CSGALNACT1: variants seen among roughly 807,000 people sequenced by gnomAD.
The protein encoded by CSGALNACT1 is chondroitin sulfate N-acetylgalactosaminyltransferase 1, also known as beta4GalNAcT-1.
In CSGALNACT1, 52 loss-of-function variants were observed where a neutral mutation model predicts 51.0. The ratio of observed to expected loss-of-function variants is 1.02; its 90% confidence interval spans 0.82 to 1.29. The LOEUF (loss-of-function observed/expected upper bound fraction) is 1.29. CSGALNACT1 is among the 50% of genes most tolerant of loss of function. The probability of loss-of-function intolerance (pLI) is 0.00; values close to 1 mark genes in which losing one functional copy is unlikely to be tolerated. For synonymous variants in CSGALNACT1, 341 were observed against 254.4 expected (o/e 1.34, Z -3.24); for missense variants, 935 against 679.2 (o/e 1.38, Z -4.19).
intron 1 of CSGALNACT1, among the ~76,000 whole-genome samples, chr8:19,639,540 T>TC (rs2056499827): frequency 6.6e-6 from 1 of 152,176 alleles, no homozygotes; most frequent in Admixed American, 6.5e-5. Flanking sequence ...TCACTCTTGG[T>TC]CAGGGCACAT....
At chr8:19,634,174 T>C (rs958921614) in intron 1 of CSGALNACT1, among the ~76,000 whole-genome samples, 6 of 152,236 alleles carry the variant, frequency 3.9e-5, no homozygotes, top group African/African-American at 1.4e-4. Context: ...TGAAAACATA[T>C]TACTTTCATA....
chr8:19,601,959 G>A (rs868715963), intron 1 of CSGALNACT1, 94 bp from the exon 2 acceptor site: 1 of 441,382 alleles, frequency 2.3e-6, no homozygotes, highest in Non-Finnish European at 4.5e-6. Context: ...AAATCACTTA[G>A]TATATAAAAT....
intron 5 of CSGALNACT1, among the ~76,000 whole-genome samples, chr8:19,452,204 C>T (rs796916376): frequency 2.6e-5 from 4 of 152,172 alleles, no homozygotes; most frequent in African/African-American, 9.7e-5. Context: ...AAGGGAAGCT[C>T]GTTGGCGAGA....
chr8:19,756,461 G>A (rs944296768), intron 1 of CSGALNACT1, among the ~76,000 whole-genome samples: 1 of 152,266 alleles, frequency 6.6e-6, no homozygotes, highest in East Asian at 1.9e-4. Context: ...TTTGCTCATC[G>A]ATGAAAAGAT....
At chr8:19,687,304 T>G (rs2061031575), upstream of CSGALNACT1, among the ~76,000 whole-genome samples, 1 of 152,078 alleles carries the variant, frequency 6.6e-6, no homozygotes, top group Admixed American at 6.5e-5. Flanking sequence ...ACACACACAC[T>G]TCCTCTACTA....
At chr8:19,663,055 C>T (rs1207356441) in intron 1 of CSGALNACT1, among the ~76,000 whole-genome samples, 2 of 152,204 alleles carry the variant, frequency 1.3e-5, no homozygotes, top group Non-Finnish European at 2.9e-5. Context: ...ATGCAGGATG[C>T]TCTCTATCAA....
chr8:19,651,909 C>T (rs2057835684), intron 1 of CSGALNACT1, among the ~76,000 whole-genome samples: 1 of 121,058 alleles, frequency 8.3e-6, no homozygotes, highest in African/African-American at 3.1e-5. Flanking sequence ...TACAACCTCG[C>T]TGTCTGTTTT....
At chr8:19,488,666 G>C (rs1341392640) in intron 4 of CSGALNACT1, among the ~76,000 whole-genome samples, 1 of 151,950 alleles carries the variant, frequency 6.6e-6, no homozygotes, top group Non-Finnish European at 1.5e-5. Flanking sequence ...AATAACAAAA[G>C]CAGTAATAAT....
intron 1 of CSGALNACT1, among the ~76,000 whole-genome samples, chr8:19,754,697 C>A (rs143666003): frequency 6.6e-6 from 1 of 152,280 alleles, no homozygotes; most frequent in African/African-American, 2.4e-5. Context: ...CACAAGGTTG[C>A]CCTTTTCTAA....
intron 1 of CSGALNACT1, among the ~76,000 whole-genome samples, chr8:19,710,547 A>G (rs763106727): frequency 2.0e-5 from 3 of 152,234 alleles, no homozygotes; most frequent in Admixed American, 6.5e-5. Flanking sequence ...TTAAAAACAA[A>G]TCTGAAGCAA....
At chr8:19,651,137 G>A (rs1181502029) in intron 1 of CSGALNACT1, among the ~76,000 whole-genome samples, 1 of 152,188 alleles carries the variant, frequency 6.6e-6, no homozygotes, top group African/African-American at 2.4e-5. Flanking sequence ...TTTTGCCATT[G>A]TAGTACAGAA....
At chr8:19,488,593 C>T (rs1001852894) in intron 4 of CSGALNACT1, among the ~76,000 whole-genome samples, 1 of 151,584 alleles carries the variant, frequency 6.6e-6, no homozygotes, top group Admixed American at 6.6e-5. Context: ...TATGAAGAGC[C>T]AGGGAAGGAG....
intron 1 of CSGALNACT1, among the ~76,000 whole-genome samples, chr8:19,742,714 G>A (rs540678014): frequency 5.9e-5 from 9 of 152,332 alleles, no homozygotes; most frequent in Middle Eastern, 3.4e-3. Context: ...TCAGCAGGCC[G>A]TAGGCAACTA....
intron 2 of CSGALNACT1, among the ~76,000 whole-genome samples, chr8:19,593,523 T>C (rs2048272918): frequency 6.6e-6 from 1 of 152,204 alleles, no homozygotes; most frequent in Non-Finnish European, 1.5e-5. Flanking sequence ...CGGACTACAC[T>C]AGGGCCATCT....
In CSGALNACT1 at chr8:19,540,327, G is replaced by T. The variant is rs545016654; in HGVS notation, c.-296-34197C>A. On this transcript the variant is annotated intron_variant, in intron 3 of 9. Transcript: ENST00000454498. The stretch of plus-strand genomic sequence containing the variant: ...GGACTGCATGGTAACATGGAAAACA[G>T]TATTTATTCTTTAGTGTTACCTGGG... 7.9e-5 allele frequency among the ~76,000 whole-genome samples: 12 copies of T among 152,268 alleles called. No homozygotes were observed. The East Asian group carries it at 2.1e-3, about 27-fold the overall frequency.
rs1443192488 is a variant in CSGALNACT1 at position 19,522,853 on chromosome 8, T to A, written c.-296-16723A>T. Among the ~76,000 whole-genome samples, 4 of 152,078 alleles carry A rather than the reference T, an allele frequency of 2.6e-5. No homozygotes were observed. The East Asian group carries it at 7.7e-4, about 29-fold the overall frequency. ...CACATTCCCAAGGCTCAAAAAAAAATTTAAACAATAAAAGATTCTTCCCAA... is the reference window on the plus strand; with the variant it reads ...CACATTCCCAAGGCTCAAAAAAAAAATTAAACAATAAAAGATTCTTCCCAA... On this transcript the variant is annotated intron_variant, in intron 3 of 9. Coordinates refer to ENST00000454498, the Ensembl canonical transcript of CSGALNACT1.
chr8:19,482,732 C>G (rs372295480), intron 4 of CSGALNACT1, among the ~76,000 whole-genome samples: 14 of 152,122 alleles, frequency 9.2e-5, no homozygotes, highest in African/African-American at 2.9e-4. Context: ...AATGTTTCTA[C>G]GGAAAATCTC....
At chr8:19,510,482 C>T (rs989294719) in intron 3 of CSGALNACT1, among the ~76,000 whole-genome samples, 4 of 152,112 alleles carry the variant, frequency 2.6e-5, no homozygotes, top group African/African-American at 9.7e-5. Context: ...AGGCACTAAG[C>T]ACTTAGTATG....
chr8:19,655,653 T>C (rs1278563203), intron 1 of CSGALNACT1, among the ~76,000 whole-genome samples: 1 of 152,082 alleles, frequency 6.6e-6, no homozygotes. Flanking sequence ...ACTCCTGTCC[T>C]CAAGTGACCT....
Sources: allele counts gnomAD v4.1 joint callset (sites outside exome capture counted in the v4.1 genomes callset), GRCh38; gene constraint gnomAD v4.1.1; transcripts MANE v1.5; gene names NCBI Gene and HGNC (gene_info 2026-07-23, HGNC 2026-07-21).